TMC3: variants seen among roughly 807,000 people sequenced by gnomAD.
The protein encoded by TMC3 is transmembrane channel-like protein 3.
In TMC3, 98 loss-of-function variants were observed where a neutral mutation model predicts 110.6. The observed-to-expected ratio is 0.89, with a 90% CI of 0.75 to 1.05. The LOEUF (loss-of-function observed/expected upper bound fraction) is 1.05. TMC3 is among the 50% of genes least tolerant of loss of function. The probability of loss-of-function intolerance (pLI) is 0.00; values close to 1 mark genes in which losing one functional copy is unlikely to be tolerated. For missense variants in TMC3, 1,319 were observed against 1,373.2 expected, an observed-to-expected ratio of 0.96 and a Z score of 0.62; for synonymous variants, 489 against 513.1, an observed-to-expected ratio of 0.95 and a Z score of 0.63.
Position 81,368,198 on chromosome 15 carries a change from A to T in TMC3, c.312+55T>A, listed in dbSNP as rs1894357833. 1.3e-5 allele frequency: 17 copies of T among 1,320,300 alleles called. No homozygotes were observed. In the Admixed American group the frequency reaches 2.9e-4, roughly 22 times the overall value. 81.8% of individuals were successfully genotyped at this position (1,320,300 alleles called of 1,614,324 possible). On this transcript the variant is annotated intron_variant, in intron 3 of 21. Coordinates refer to ENST00000359440, the MANE Select transcript of TMC3 (RefSeq NM_001080532.3). ...TCCACCTCCCTTGGCCTCCCAAAGC[A>T]CTGGGATTACAGGTGTGAGCCACCG...
intron 21 of TMC3, among the ~76,000 whole-genome samples, 152 bp downstream of exon 21, chr15:81,334,568 G>A (rs1226067932): frequency 1.3e-5 from 2 of 152,132 alleles, no homozygotes; most frequent in African/African-American, 2.4e-5. Flanking sequence ...CCCCCACCCC[G>A]CCTCCATTTC....
intron 13 of TMC3, 83 bp from the exon 14 acceptor site, chr15:81,344,128 T>C (rs1016560390): frequency 6.1e-6 from 9 of 1,476,394 alleles, no homozygotes; most frequent in Non-Finnish European, 8.2e-6. Context: ...CTAATCTCTG[T>C]TCATTCTTGT....
At chr15:81,340,912 T>C (rs1596080985) in intron 16 of TMC3, among the ~76,000 whole-genome samples, 1 of 152,372 alleles carries the variant, frequency 6.6e-6, no homozygotes, top group South Asian at 2.1e-4. Context: ...CAATGTTGCG[T>C]GTAAGCAGTT....
intron 15 of TMC3, 33 bp from the exon 16 acceptor site, chr15:81,341,551 T>C (rs1226443428): frequency 6.3e-7 from 1 of 1,596,854 alleles, no homozygotes. Flanking sequence ...TTTGCATCTG[T>C]TCTCTTTCAG....
At position 81,358,182 on chromosome 15, in the gene TMC3, A is replaced by G; in HGVS notation, c.710T>C (p.Val237Ala). 1.2e-6 allele frequency: 2 copies of G among 1,607,414 alleles called. No individual in the cohort carries two copies. Among genetic ancestry groups the G allele is most frequent in the Non-Finnish European group, 1.7e-6 (2 of 1,177,970 alleles). Reference protein sequence around the residue: ...PLAYFLVGMAVFAYSFIILLK... With the variant: ...PLAYFLVGMAAFAYSFIILLK... ...AAGAATGATGAAGCTGTAAGCAAAC[A>G]CTGCCATCCCCACTAGGAAATACGC... Residue 237 changes from valine (V) to alanine (A), a missense_variant, in exon 7 of 22, where the codon GTG becomes GCG. Physicochemically the swap from Val to Ala is moderately conservative, Grantham distance 64. Coordinates refer to ENST00000359440, the MANE Select transcript of TMC3 (RefSeq NM_001080532.3).
Position 81,332,863 on chromosome 15 carries a change from C to T in TMC3, c.2859G>A (p.Trp953Ter), listed in dbSNP as rs1376959984. 6.2e-7 allele frequency: 1 copy of T among 1,613,392 alleles called. No homozygotes were observed. The highest frequency in any genetic ancestry group is 8.5e-7 in the Non-Finnish European group (1 of 1,179,878). Residue 953 changes from tryptophan (W) to a stop codon, truncating the protein, a stop_gained, in exon 22 of 22, where the codon TGG becomes TGA. Coordinates refer to ENST00000359440, the MANE Select transcript of TMC3 (RefSeq NM_001080532.3). LOFTEE classifies it low-confidence loss of function (END_TRUNC). ...EEEEETPSRD[W>*]IKRSLPPRSL... ...AGCGTGGGGGAAGAGACCGTTTGAT[C>T]CAATCTCTGCTTGGCGTCTCCTCCT...
Position 81,348,233 on chromosome 15 carries a change from C to T in TMC3, c.1193+1225G>A, listed in dbSNP as rs577710431. ...TGCCAATTCCTGAATGAGAGCAAATCTTCCCAAAGTGGTCTGTGGAAAATT... is the reference window on the plus strand; with the variant it reads ...TGCCAATTCCTGAATGAGAGCAAATTTTCCCAAAGTGGTCTGTGGAAAATT... On this transcript the variant is annotated intron_variant, in intron 11 of 21. Coordinates refer to ENST00000359440, the MANE Select transcript of TMC3 (RefSeq NM_001080532.3). 6.6e-5 allele frequency among the ~76,000 whole-genome samples: 10 copies of T among 152,314 alleles called. No individual in the cohort carries two copies. The East Asian group carries it at 1.5e-3, about 24-fold the overall frequency.
Position 81,333,217 on chromosome 15 carries a change from G to C in TMC3, c.2505C>G (p.Asn835Lys), listed in dbSNP as rs1239510493. 1 of 1,613,700 alleles carries C rather than the reference G, an allele frequency of 6.2e-7. No homozygotes were observed. Among genetic ancestry groups the C allele is most frequent in the Non-Finnish European group, 8.5e-7 (1 of 1,179,710 alleles). Residue 835 changes from asparagine (N) to lysine (K), a missense_variant, in exon 22 of 22, where the codon AAC (asparagine) becomes AAG (lysine). Coordinates refer to ENST00000359440, the MANE Select transcript of TMC3 (RefSeq NM_001080532.3). ...LCASTSDLHR[N>K]RSRTPMTFTT... is the part of the protein sequence containing the mutation. ...TAAATGTCATAGGTGTGCGCGATCT[G>C]TTCCTGTGAAGGTCACTGGTGCTTG... is the stretch of plus-strand genomic sequence containing the variant.
rs1893793237 is a variant in TMC3 at position 81,344,921 on chromosome 15, T to A, written c.1363A>T (p.Thr455Ser). The part of the protein sequence containing the change: ...RTAPEEEKWS[T>S]SRPGMGLRRN... ...CTGAGCCCCATTCCAGGCCGAGATG[T>A]GGACCATTTCTCTTCTTCAGGGGCT... The change falls in exon 13 of 22, where the codon ACA becomes TCA. Residue 455 changes from threonine (T) to serine (S), a missense_variant. By Grantham distance (58) the Thr-to-Ser change is moderately conservative. Transcript: ENST00000359440. 6.2e-7 allele frequency: 1 copy of A among 1,613,850 alleles called. No individual in the cohort carries two copies. Among genetic ancestry groups the A allele is most frequent in the East Asian group, 2.2e-5 (1 of 44,876 alleles).
rs746943365 is a variant in TMC3 at position 81,338,740 on chromosome 15, C to T, written c.1996G>A (p.Glu666Lys). The T allele has an allele frequency of 3.1e-6, 5 of 1,613,960 alleles. No homozygotes were observed. The highest frequency in any genetic ancestry group is 2.2e-5 in the East Asian group (1 of 44,878). Residue 666 changes from glutamate (E) to lysine (K), a missense_variant, in exon 18 of 22, where the codon GAG (glutamate) becomes AAG (lysine). Transcript: ENST00000359440. The part of the protein sequence containing the change: ...KIYDIVSETI[E>K]KDFPVWFGSV... ...CCAAACCACACAGGAAAGTCTTTCT[C>T]AATCGTTTCTGACACAATGTCATAA...
At chr15:81,362,184 G>A (rs765830767) in intron 4 of TMC3, 36 bp downstream of exon 4, 1 of 1,546,690 alleles carries the variant, frequency 6.5e-7, no homozygotes, top group Non-Finnish European at 8.8e-7. Context: ...CACTAGCATT[G>A]CATTCCTGCC....
intron 2 of TMC3, 145 bp from the exon 3 acceptor site, chr15:81,368,473 C>CTACTCTACT (rs56061003): frequency 0.065 from 39,751 of 609,546 alleles, 1,489 homozygotes; most frequent in East Asian, 0.094. Flanking sequence ...TGGAGTTACA[C>CTACTCTACT]AAATACTTCA....
intron 11 of TMC3, among the ~76,000 whole-genome samples, chr15:81,348,400 A>T (rs1227517687): frequency 6.6e-6 from 1 of 152,190 alleles, no homozygotes; most frequent in Non-Finnish European, 1.5e-5. Flanking sequence ...ACCCAGCCCT[A>T]CTACAGTAGC....
At position 81,374,187 on chromosome 15, in the gene TMC3, C is replaced by T. The variant is rs778764784; in HGVS notation, c.-110G>A. On this transcript the variant is annotated 5_prime_UTR_variant, in exon 1 of 22. Transcript: ENST00000359440. ...TGGAAGCAGCGGAGTTTGCTCTGCCCGCTAGTTCTCAGGAAGAAGACTGTG... is the reference window on the plus strand; with the variant it reads ...TGGAAGCAGCGGAGTTTGCTCTGCCTGCTAGTTCTCAGGAAGAAGACTGTG... 188 of 939,206 alleles carry T rather than the reference C, an allele frequency of 2.0e-4. No individual in the cohort carries two copies. Among genetic ancestry groups the T allele is most frequent in the East Asian group, 3.7e-4 (14 of 37,802 alleles). The allele number at this position is 939,206 out of a possible 1,614,324, so 58.2% of individuals were successfully genotyped here. A position where few individuals can be genotyped will look rare whatever the true frequency, so the allele number is the denominator to read the frequency against.
At chr15:81,349,881 G>T (rs1300772423) in intron 10 of TMC3, among the ~76,000 whole-genome samples, 1 of 148,168 alleles carries the variant, frequency 6.7e-6, no homozygotes, top group Non-Finnish European at 1.5e-5. Flanking sequence ...TGGGAGGCTT[G>T]TGAGGCCCAG....
chr15:81,356,029 T>C (rs556455204), intron 8 of TMC3, among the ~76,000 whole-genome samples: 4 of 152,304 alleles, frequency 2.6e-5, no homozygotes, highest in Admixed American at 2.6e-4. Flanking sequence ...TAGTGCACCA[T>C]TTAGCTGTCT....
At chr15:81,337,099 A>C (rs1445255916) in intron 19 of TMC3, among the ~76,000 whole-genome samples, 1 of 149,482 alleles carries the variant, frequency 6.7e-6, no homozygotes, top group African/African-American at 2.5e-5. Context: ...AAGTGGAAGG[A>C]GTTTTTTTGC....
At chr15:81,344,652 C>T in intron 13 of TMC3, 114 bp downstream of exon 13, 1 of 1,083,454 alleles carries the variant, frequency 9.2e-7, no homozygotes, top group Non-Finnish European at 1.3e-6. Context: ...AAATCATAAA[C>T]CTCACTGAAC....
At chr15:81,342,951 G>A in intron 15 of TMC3, 1 of 243,556 alleles carries the variant, frequency 4.1e-6, no homozygotes, top group Non-Finnish European at 8.0e-6. Context: ...AGCCACTCCT[G>A]AAGTCCTCAC....
Sources: allele counts gnomAD v4.1 joint callset (sites outside exome capture counted in the v4.1 genomes callset), GRCh38; gene constraint gnomAD v4.1.1; transcripts MANE v1.5; gene names NCBI Gene and HGNC (gene_info 2026-07-23, HGNC 2026-07-21).